The following CYP7B1 variants were observed in gnomAD, a reference collection of about 807,000 sequenced individuals.
CYP7B1 encodes the protein cytochrome P450 family 7 subfamily B member 1, also known as cytochrome P450 7B1.
A neutral mutation model predicts 42.7 loss-of-function variants in CYP7B1; 29 were observed. The observed-to-expected ratio is 0.68, with a 90% CI of 0.51 to 0.93. The LOEUF is 0.93. CYP7B1 is among the 40% of genes least tolerant of loss of function. The pLI, the probability that CYP7B1 is intolerant of heterozygous loss-of-function variation, is 0.00. For missense variants in CYP7B1, 655 were observed against 600.5 expected, an observed-to-expected ratio of 1.09 and a Z score of -0.95; for synonymous variants, 235 against 218.2, an observed-to-expected ratio of 1.08 and a Z score of -0.68.
chr8:64,714,621 C>G (rs1040424346), intron 1 of CYP7B1, among the ~76,000 whole-genome samples: 1 of 152,172 alleles, frequency 6.6e-6, no homozygotes, highest in South Asian at 2.1e-4. Flanking sequence ...CTGTCAGTGA[C>G]TTGTCAGAAT....
rs953886480 is a variant in CYP7B1 at position 64,798,510 on chromosome 8, C to A, written c.78G>T (p.Ala26=). 25 of 1,507,556 alleles carry A rather than the reference C, an allele frequency of 1.7e-5. No individual in the cohort carries two copies. The African/African-American group carries it at 1.7e-4, about 10-fold the overall frequency. The allele number at this position is 1,507,556 out of a possible 1,614,324, so 93.4% of individuals were successfully genotyped here. ...RLGLPGLALA[A]ALLLLALCLL... ...AGCAGAGGGCCAGGAGCAGCAGGGCCGCGGCGAGGGCCAGGCCCGGGAGGC... is the reference window on the plus strand; with the variant it reads ...AGCAGAGGGCCAGGAGCAGCAGGGCAGCGGCGAGGGCCAGGCCCGGGAGGC... Residue 26 remains alanine, a synonymous_variant, in exon 1 of 6, where the codon GCG becomes GCT. Coordinates refer to ENST00000310193, the MANE Select transcript of CYP7B1 (RefSeq NM_004820.5).
At chr8:64,614,946 C>T in intron 4 of CYP7B1, 80 bp downstream of exon 4, 1 of 1,392,772 alleles carries the variant, frequency 7.2e-7, no homozygotes, top group Non-Finnish European at 1.0e-6. Context: ...TCCTCTACCT[C>T]TTGGTAAACA....
chr8:64,772,355 C>T (rs1242903800), intron 1 of CYP7B1, among the ~76,000 whole-genome samples: 2 of 152,182 alleles, frequency 1.3e-5, no homozygotes, highest in African/African-American at 4.8e-5. Flanking sequence ...GCTCCATGGA[C>T]TTTGAGTAGG....
At chr8:64,644,232 A>G (rs1250226075) in intron 1 of CYP7B1, among the ~76,000 whole-genome samples, 2 of 151,510 alleles carry the variant, frequency 1.3e-5, no homozygotes, top group Non-Finnish European at 2.9e-5. Flanking sequence ...AGAGTGCGCC[A>G]CTGCACTCCA....
At chr8:64,798,404 T>C (rs1159958234) in intron 1 of CYP7B1, 62 bp downstream of exon 1, 1 of 1,440,816 alleles carries the variant, frequency 6.9e-7, no homozygotes, top group Non-Finnish European at 9.0e-7. Flanking sequence ...CCTCGCCATC[T>C]GGGTCGCGCG....
Position 64,615,067 on chromosome 8 carries a change from A to G in CYP7B1, c.1016T>C (p.Ile339Thr), listed in dbSNP as rs890613012. Residue 339 changes from isoleucine (I) to threonine (T), a missense_variant, in exon 4 of 6, where the codon ATC becomes ACC. Ile to Thr is a moderately conservative substitution (Grantham distance 89). Coordinates refer to ENST00000310193, the MANE Select transcript of CYP7B1 (RefSeq NM_004820.5). ...TGQKKGSGFP[I>T]HLTREQLDSL... ...GTCCAATTGTTCTCTGGTGAGGTGG[A>G]TGGGAAATCCAGACCCTTTCTTTTG... is the stretch of plus-strand genomic sequence containing the variant. 6.2e-7 allele frequency: 1 copy of G among 1,613,722 alleles called. No homozygotes were observed. Among genetic ancestry groups the G allele is most frequent in the African/African-American group, 1.3e-5 (1 of 75,022 alleles).
intron 1 of CYP7B1, among the ~76,000 whole-genome samples, chr8:64,730,026 T>G (rs146754638): frequency 1.3e-5 from 2 of 152,116 alleles, no homozygotes; most frequent in African/African-American, 4.8e-5. Flanking sequence ...ACCTACAGTT[T>G]TATCACTTTT....
intron 5 of CYP7B1, 57 bp downstream of exon 5, chr8:64,604,625 G>C: frequency 6.2e-7 from 1 of 1,600,576 alleles, no homozygotes; most frequent in Non-Finnish European, 8.5e-7. Context: ...AGGGATGGAA[G>C]AGGAATGTGC....
chr8:64,751,172 T>G (rs576350808), intron 1 of CYP7B1, among the ~76,000 whole-genome samples: 1 of 152,326 alleles, frequency 6.6e-6, no homozygotes, highest in African/African-American at 2.4e-5. Flanking sequence ...GAGACAATTT[T>G]TAAAAGAGAG....
At chr8:64,692,282 A>G (rs1385017443) in intron 1 of CYP7B1, among the ~76,000 whole-genome samples, 3 of 152,230 alleles carry the variant, frequency 2.0e-5, no homozygotes, top group African/African-American at 7.2e-5. Flanking sequence ...CTGCAAATTA[A>G]CAAATGGATA....
chr8:64,664,110 T>C (rs1327850256), intron 1 of CYP7B1, among the ~76,000 whole-genome samples: 3 of 152,190 alleles, frequency 2.0e-5, no homozygotes, highest in Admixed American at 2.0e-4. Flanking sequence ...TTCTCACTGC[T>C]GTCCCTCAGA....
At chr8:64,712,274 CTT>C (rs78409341) in intron 1 of CYP7B1, among the ~76,000 whole-genome samples, 9 of 144,432 alleles carry the variant, frequency 6.2e-5, no homozygotes, top group Admixed American at 1.4e-4. Flanking sequence ...ATCAGCAATC[CTT>C]TTTTTTTTTT....
At chr8:64,613,972 A>G (rs913174555) in intron 4 of CYP7B1, among the ~76,000 whole-genome samples, 8 of 152,304 alleles carry the variant, frequency 5.3e-5, no homozygotes, top group Non-Finnish European at 1.2e-4. Flanking sequence ...TGAGACCAAC[A>G]TAGGCTAAAA....
At chr8:64,794,149 G>C (rs1804667292) in intron 1 of CYP7B1, among the ~76,000 whole-genome samples, 1 of 152,176 alleles carries the variant, frequency 6.6e-6, no homozygotes, top group African/African-American at 2.4e-5. Context: ...TGGGGTGTCA[G>C]AGTTTGGGGC....
intron 1 of CYP7B1, among the ~76,000 whole-genome samples, chr8:64,769,073 TTTC>T (rs1372536848): frequency 1.3e-5 from 2 of 152,218 alleles, no homozygotes; most frequent in Non-Finnish European, 2.9e-5. Context: ...TAAAAATGTT[TTTC>T]TGAGACAGAT....
intron 1 of CYP7B1, among the ~76,000 whole-genome samples, chr8:64,793,418 A>AT (rs1804653685): frequency 6.6e-6 from 1 of 152,160 alleles, no homozygotes; most frequent in South Asian, 2.1e-4. Flanking sequence ...TAAGGAAAGA[A>AT]TGGAGACATC....
rs1383961516 is a variant in CYP7B1 at position 64,595,497 on chromosome 8, C to A, written c.*1145G>T. ...TCATGTGGTACTCTGATATTAGAAT[C>A]TTTGAATCACTGGGCTTGGTGGTAC... On this transcript the variant is annotated 3_prime_UTR_variant, in exon 6 of 6. Transcript: ENST00000310193. Among the ~76,000 whole-genome samples the A allele has an allele frequency of 6.6e-6, 1 of 152,118 alleles. No homozygotes were observed. Among genetic ancestry groups the A allele is most frequent in the Non-Finnish European group, 1.5e-5 (1 of 68,014 alleles).
chr8:64,709,480 T>C (rs767605062), intron 1 of CYP7B1, among the ~76,000 whole-genome samples: 2 of 152,230 alleles, frequency 1.3e-5, no homozygotes, highest in Non-Finnish European at 2.9e-5. Flanking sequence ...GTCATTCAAG[T>C]AGTGCTTTCA....
At chr8:64,664,517 C>T (rs1353002674) in intron 1 of CYP7B1, among the ~76,000 whole-genome samples, 1 of 152,128 alleles carries the variant, frequency 6.6e-6, no homozygotes, top group African/African-American at 2.4e-5. Context: ...AGGTAAGACA[C>T]TTGTCTCTCA....
Sources: gnomAD v4.1 joint callset for allele counts (sites outside exome capture counted in the v4.1 genomes callset) on GRCh38, gnomAD v4.1.1 for gene constraint, MANE v1.5 for transcripts, NCBI Gene and HGNC (gene_info 2026-07-23, HGNC 2026-07-21) for gene names.